Variants in PTPN13 observed in about 807,000 individuals in gnomAD.
PTPN13 encodes protein tyrosine phosphatase non-receptor type 13.
PTPN13 carries 191 observed loss-of-function variants against 284.0 expected under a neutral mutation model. The ratio of observed to expected loss-of-function variants is 0.67; its 90% CI spans 0.60 to 0.76. The LOEUF is 0.76. Ranked by LOEUF, PTPN13 falls within the 30% of genes least tolerant of loss-of-function variation. The pLI is 0.00. For synonymous variants in PTPN13, 986 were observed against 1,022.3 expected (o/e 0.96, Z 0.68); for missense variants, 2,797 against 2,939.9 (o/e 0.95, Z 1.12).
intron 1 of PTPN13, among the ~76,000 whole-genome samples, chr4:86,612,508 A>G (rs918943391): frequency 6.6e-6 from 1 of 152,206 alleles, no homozygotes; most frequent in Admixed American, 6.5e-5. Context: ...TAGAAAAAAT[A>G]TTGGAAGAAA....
At chr4:86,800,319 T>TTTG (rs1340097148) in intron 42 of PTPN13, among the ~76,000 whole-genome samples, 1 of 152,056 alleles carries the variant, frequency 6.6e-6, no homozygotes, top group East Asian at 1.9e-4. Context: ...AGAACACGGT[T>TTTG]TTGTCATTCA....
chr4:86,732,338 C>A, intron 10 of PTPN13, 62 bp from the exon 11 acceptor site: 1 of 1,301,160 alleles, frequency 7.7e-7, no homozygotes, highest in South Asian at 1.4e-5. Flanking sequence ...ATTATTTTTC[C>A]TTTCAAGGAA....
In PTPN13 at chr4:86,799,084, A is replaced by G. The variant is rs1743681982; in HGVS notation, c.6402-17A>G. ...CAAAAATGAAGAAAATGTTTCAAAT[A>G]TGTTTTGTTTTCATAGCTTAATTCA... On this transcript the variant is annotated splice_polypyrimidine_tract_variant and intron_variant, in intron 41 of 47. Coordinates refer to ENST00000411767, the MANE Select transcript of PTPN13 (RefSeq NM_080683.3). 1.4e-6 allele frequency: 2 copies of G among 1,437,500 alleles called. No homozygotes were observed. Among genetic ancestry groups the G allele is most frequent in the Non-Finnish European group, 9.4e-7 (1 of 1,058,432 alleles). 89.0% of individuals were successfully genotyped at this position (1,437,500 alleles called of 1,614,324 possible).
chr4:86,780,966 G>A (rs1741232326), intron 36 of PTPN13, among the ~76,000 whole-genome samples: 1 of 152,172 alleles, frequency 6.6e-6, no homozygotes, highest in Non-Finnish European at 1.5e-5. Flanking sequence ...CGGGAAGGAA[G>A]CATTTAGGGG....
At chr4:86,595,406 C>T (rs920420147) in intron 1 of PTPN13, among the ~76,000 whole-genome samples, 18 of 151,980 alleles carry the variant, frequency 1.2e-4, no homozygotes, top group African/African-American at 4.4e-4. Context: ...TTGCTCATTA[C>T]GTGATACTGT....
chr4:86,761,139 A>AATAT (rs6148556), intron 23 of PTPN13, among the ~76,000 whole-genome samples: 17,757 of 120,404 alleles, frequency 0.15, 1,335 homozygotes, highest in Middle Eastern at 0.18. Context: ...TGTGTGTGTA[A>AATAT]ATATATATAT....
rs1229464556 is a variant in PTPN13 at position 86,701,306 on chromosome 4, A to G, written c.700A>G (p.Asn234Asp). ...KPPLSHQTFLNKGLSKSMGFL... is the reference protein window; with the variant it reads ...KPPLSHQTFLDKGLSKSMGFL... Reference sequence around the variant, plus strand: ...TCCACTCTCTCATCAGACCTTTCTTAACAAAGGGCTTAGTAAATCTATGGG... The same window carrying G: ...TCCACTCTCTCATCAGACCTTTCTTGACAAAGGGCTTAGTAAATCTATGGG... The change falls in exon 7 of 48, where the codon AAC (asparagine) becomes GAC (aspartate). Residue 234 changes from asparagine (N) to aspartate (D), a missense_variant. Coordinates refer to ENST00000411767, the MANE Select transcript of PTPN13 (RefSeq NM_080683.3). 1 of 1,612,016 alleles carries G rather than the reference A, an allele frequency of 6.2e-7. No individual in the cohort carries two copies. Among genetic ancestry groups the G allele is most frequent in the Non-Finnish European group, 8.5e-7 (1 of 1,178,956 alleles).
intron 17 of PTPN13, among the ~76,000 whole-genome samples, 192 bp from the exon 18 acceptor site, chr4:86,750,278 T>TG (rs1737235250): frequency 6.6e-6 from 1 of 152,194 alleles, no homozygotes. Context: ...GCTAAAGAGA[T>TG]GAAAATATGT....
chr4:86,776,999 G>T (rs1014700122), intron 35 of PTPN13, among the ~76,000 whole-genome samples: 1 of 152,164 alleles, frequency 6.6e-6, no homozygotes, highest in Admixed American at 6.5e-5. Context: ...TACCCATGAG[G>T]CATAGAACTA....
At position 86,775,233 on chromosome 4, in the gene PTPN13, A is replaced by G. The variant is rs1488209188; in HGVS notation, c.5571A>G (p.Ala1857=). Reference sequence around the variant, plus strand: ...ATGCAGTTAATCTGCTCCGGGCTGCATCCAAAACAGTCAGATTAGTTATTG... The same window carrying G: ...ATGCAGTTAATCTGCTCCGGGCTGCGTCCAAAACAGTCAGATTAGTTATTG... ...HTDAVNLLRA[A]SKTVRLVIGR... The change falls in exon 34 of 48, where the codon GCA becomes GCG. Residue 1857 remains alanine (A), a synonymous_variant. Transcript: ENST00000411767. 3 of 1,613,620 alleles carry G rather than the reference A, an allele frequency of 1.9e-6. No individual in the cohort carries two copies. The Admixed American group carries it at 5.0e-5, about 27-fold the overall frequency.
chr4:86,656,950 G>C (rs1725901352), intron 2 of PTPN13, among the ~76,000 whole-genome samples: 1 of 152,220 alleles, frequency 6.6e-6, no homozygotes, highest in African/African-American at 2.4e-5. Flanking sequence ...GAGCCTCGCT[G>C]CCGCCTTGCA....
At chr4:86,656,455 C>G (rs546824042) in intron 2 of PTPN13, among the ~76,000 whole-genome samples, 8 of 152,204 alleles carry the variant, frequency 5.3e-5, no homozygotes, top group Non-Finnish European at 1.2e-4. Flanking sequence ...AGTTTTCCTT[C>G]TAACAGTGAG....
intron 35 of PTPN13, among the ~76,000 whole-genome samples, chr4:86,777,200 A>G (rs1404530003): frequency 6.6e-6 from 1 of 152,226 alleles, no homozygotes; most frequent in Non-Finnish European, 1.5e-5. Flanking sequence ...TCTGAAATAC[A>G]AAATGGGCCT....
chr4:86,765,324 A>C, intron 25 of PTPN13, 71 bp from the exon 26 acceptor site: 3 of 1,114,184 alleles, frequency 2.7e-6, no homozygotes, highest in Non-Finnish European at 2.7e-6. Context: ...AATCCTTTCT[A>C]GGCCTGAGAT....
At chr4:86,708,980 T>C (rs539130285) in intron 7 of PTPN13, among the ~76,000 whole-genome samples, 2 of 152,068 alleles carry the variant, frequency 1.3e-5, no homozygotes, top group Admixed American at 6.6e-5. Flanking sequence ...CCCTTCTTTC[T>C]TACTCTCTTA....
At position 86,693,595 on chromosome 4, in the gene PTPN13, G is replaced by A. The variant is rs373729602; in HGVS notation, c.555G>A (p.Gln185=). 4.5e-6 allele frequency: 7 copies of A among 1,549,108 alleles called. No individual in the cohort carries two copies. In the African/African-American group the frequency reaches 8.2e-5, roughly 18 times the overall value. ...TTATTACCTGTGTACAGACAGATCAGCTTTCCTGTAACAGTGAACAAAAGC... is the reference window on the plus strand; with the variant it reads ...TTATTACCTGTGTACAGACAGATCAACTTTCCTGTAACAGTGAACAAAAGC... ...LVLGNLSGTD[Q]LSCNSEQKPD... Residue 185 remains glutamine (Q), a synonymous_variant, in exon 6 of 48, where the codon CAG becomes CAA. Coordinates refer to ENST00000411767, the MANE Select transcript of PTPN13 (RefSeq NM_080683.3).
At position 86,774,459 on chromosome 4, in the gene PTPN13, T is replaced by C. The variant is rs1578637553; in HGVS notation, c.5436T>C (p.Cys1812=). 1.0e-5 allele frequency: 16 copies of C among 1,605,748 alleles called. No individual in the cohort carries two copies. Among genetic ancestry groups the C allele is most frequent in the East Asian group, 2.2e-5 (1 of 44,732 alleles). ...TVTKGNQRIG[C]YVHDVIQDPA... ...CCAAAGGCAATCAGAGAATTGGTTG[T>C]TATGTTCATGATGTCATACAGGATC... is the stretch of plus-strand genomic sequence containing the variant. Residue 1812 remains cysteine (C), a synonymous_variant, in exon 33 of 48, where the codon TGT becomes TGC. Transcript: ENST00000411767.
intron 3 of PTPN13, among the ~76,000 whole-genome samples, chr4:86,679,342 G>T (rs1008795200): frequency 2.6e-5 from 4 of 152,132 alleles, no homozygotes; most frequent in African/African-American, 9.7e-5. Context: ...CAGCAGTGAA[G>T]ATTTGATATG....
intron 6 of PTPN13, among the ~76,000 whole-genome samples, chr4:86,694,825 A>G (rs992387135): frequency 1.3e-5 from 2 of 152,176 alleles, no homozygotes; most frequent in Admixed American, 1.3e-4. Context: ...GGCTAGGTAG[A>G]AGTAAATGTA....
Sources: gnomAD v4.1 joint callset for allele counts (sites outside exome capture counted in the v4.1 genomes callset) on GRCh38, gnomAD v4.1.1 for gene constraint, MANE v1.5 for transcripts, NCBI Gene and HGNC (gene_info 2026-07-23, HGNC 2026-07-21) for gene names.